Variants in SPAG1 observed in about 807,000 individuals in gnomAD.
SPAG1 encodes sperm-associated antigen 1.
Under a neutral mutation model 100.5 loss-of-function variants are expected in SPAG1, and 69 were observed. The observed-to-expected ratio is 0.69, with a 90% confidence interval of 0.57 to 0.84. The LOEUF (loss-of-function observed/expected upper bound fraction) is 0.84, where lower values mean the gene tolerates loss of function less well. SPAG1 is among the 40% of genes least tolerant of loss of function. The probability of loss-of-function intolerance (pLI) is 0.00; values close to 1 mark genes in which losing one functional copy is unlikely to be tolerated. For synonymous variants in SPAG1, 336 were observed against 411.6 expected, an observed-to-expected ratio of 0.82 and a Z score of 2.22; for missense variants, 955 against 1,133.1, an observed-to-expected ratio of 0.84 and a Z score of 2.26.
intron 9 of SPAG1, among the ~76,000 whole-genome samples, 184 bp from the exon 10 acceptor site, chr8:100,193,928 G>A (rs745437491): frequency 5.9e-5 from 9 of 151,640 alleles, no homozygotes; most frequent in East Asian, 5.8e-4. Context: ...TTGTTACACC[G>A]CTTTTTGTGT....
intron 10 of SPAG1, among the ~76,000 whole-genome samples, chr8:100,210,571 A>G (rs947672362): frequency 1.3e-5 from 2 of 151,378 alleles, no homozygotes; most frequent in Non-Finnish European, 3.0e-5. Context: ...TTTTTCTCTC[A>G]TTTCTAGGCA....
At chr8:100,223,239 C>G (rs1012882505) in intron 13 of SPAG1, among the ~76,000 whole-genome samples, 15 of 152,142 alleles carry the variant, frequency 9.9e-5, no homozygotes, top group Non-Finnish European at 2.2e-4. Context: ...CATTCATGGA[C>G]AAATTTTTGT....
Position 100,181,218 on chromosome 8 carries a change from ATCT to A in SPAG1, c.427-2146_427-2144del, listed in dbSNP as rs570458598. On this transcript the variant is annotated intron_variant, in intron 4 of 18. Transcript: ENST00000388798. ...CACATTCTTTTTTTATTTATTGAAA[ATCT>A]TCTTCTTCTTTATTCAGTCATAATT... 4.2e-3 allele frequency among the ~76,000 whole-genome samples: 644 copies of A among 152,236 alleles called. 6 individuals carry two copies. The highest frequency in any genetic ancestry group is 0.014 in the African/African-American group (569 of 41,544).
intron 9 of SPAG1, among the ~76,000 whole-genome samples, chr8:100,192,939 T>A (rs983896877): frequency 1.3e-5 from 2 of 152,212 alleles, no homozygotes; most frequent in South Asian, 4.1e-4. Flanking sequence ...TGCATTTTTA[T>A]CTTAACCATA....
At chr8:100,190,086 G>A (rs541964926) in intron 8 of SPAG1, among the ~76,000 whole-genome samples, 7 of 152,126 alleles carry the variant, frequency 4.6e-5, no homozygotes, top group South Asian at 4.2e-4. Flanking sequence ...TGGGGCAGGC[G>A]GATCACGAGG....
intron 10 of SPAG1, among the ~76,000 whole-genome samples, chr8:100,203,918 G>C (rs920465956): frequency 8.5e-5 from 13 of 152,178 alleles, no homozygotes; most frequent in Non-Finnish European, 1.5e-5. Context: ...GGTGTCTACC[G>C]TTAAAATAAG....
intron 13 of SPAG1, among the ~76,000 whole-genome samples, 178 bp from the exon 14 acceptor site, chr8:100,224,995 C>T (rs905678430): frequency 2.7e-4 from 41 of 152,044 alleles, no homozygotes; most frequent in Admixed American, 1.1e-3. Flanking sequence ...TCATTTATGA[C>T]AACTTGTAAA....
In SPAG1 at chr8:100,239,474, C is replaced by A; in HGVS notation, c.2280+70C>A. 1.0e-6 allele frequency: 1 copy of A among 963,622 alleles called. No homozygotes were observed. Among genetic ancestry groups the A allele is most frequent in the Non-Finnish European group, 1.6e-6 (1 of 617,402 alleles). The allele number at this position is 963,622 out of a possible 1,614,324, so 59.7% of individuals were successfully genotyped here. ...TAGACTGGATTCTAAGGTCATATTCCTGTGAGTTCTAAAACATTTTTAATT... is the reference window on the plus strand; with the variant it reads ...TAGACTGGATTCTAAGGTCATATTCATGTGAGTTCTAAAACATTTTTAATT... On this transcript the variant is annotated intron_variant, in intron 17 of 18. Coordinates refer to ENST00000388798, the MANE Select transcript of SPAG1 (RefSeq NM_003114.5). This position sits in a 1 kb window ranked among gnomAD's most constrained non-coding sequence, Gnocchi z 5.0.
rs942733845 is a variant in SPAG1 at position 100,213,082 on chromosome 8, C to T, written c.1097-8C>T. ...AAACCCTCACTTCCCGCATCCACTT[C>T]CTCACAGAGCCCGCGGAGCCGGCGG... is the stretch of plus-strand genomic sequence containing the variant. On this transcript the variant is annotated splice_region_variant and splice_polypyrimidine_tract_variant and intron_variant, in intron 10 of 18. Transcript: ENST00000388798. 2.2e-5 allele frequency: 32 copies of T among 1,463,518 alleles called. No homozygotes were observed. Among genetic ancestry groups the T allele is most frequent in the Non-Finnish European group, 2.6e-5 (29 of 1,114,210 alleles). 90.7% of individuals were successfully genotyped at this position (1,463,518 alleles called of 1,614,324 possible).
intron 3 of SPAG1, among the ~76,000 whole-genome samples, chr8:100,176,966 T>G (rs931812354): frequency 2.0e-5 from 3 of 151,184 alleles, no homozygotes; most frequent in African/African-American, 7.3e-5. Context: ...GTTTCTTTCT[T>G]TTTTTTCAAT....
chr8:100,234,367 A>C (rs1818909593), intron 16 of SPAG1, among the ~76,000 whole-genome samples: 1 of 151,810 alleles, frequency 6.6e-6, no homozygotes, highest in African/African-American at 2.4e-5. Context: ...GCTAAAAAAA[A>C]ATAACATTTT....
In SPAG1 at chr8:100,220,398, G is replaced by C. The variant is rs1445616704; in HGVS notation, c.1655G>C (p.Cys552Ser). ...TATAAAACAGTGTTGCAGATAGACT[G>C]TGGACTCCAGCTAGCAAATGACAGT... ...VDYKTVLQID[C>S]GLQLANDSVN... Residue 552 changes from cysteine (C) to serine (S), a missense_variant, in exon 13 of 19, where the codon TGT becomes TCT. Transcript: ENST00000388798. 6.2e-7 allele frequency: 1 copy of C among 1,613,460 alleles called. No homozygotes were observed. Among genetic ancestry groups the C allele is most frequent in the African/African-American group, 1.3e-5 (1 of 75,004 alleles).
chr8:100,191,419 C>T lies in SPAG1; in HGVS notation c.862C>T (p.His288Tyr). 10 of 1,613,872 alleles carry T rather than the reference C, an allele frequency of 6.2e-6. No homozygotes were observed. Among genetic ancestry groups the T allele is most frequent in the Non-Finnish European group, 8.5e-6 (10 of 1,179,838 alleles). ...TCTGCGTCGTGCTACTACATATAAA[C>T]ATCAAAACAAGCTCCGGGAAGCTAC... The part of the protein sequence containing the change: ...ALLRRATTYK[H>Y]QNKLREATED... The change falls in exon 9 of 19, where the codon CAT becomes TAT. Residue 288 changes from histidine to tyrosine, a missense_variant. His to Tyr is a moderately conservative substitution (Grantham distance 83). Transcript: ENST00000388798.
intron 2 of SPAG1, 135 bp from the exon 3 acceptor site, chr8:100,165,679 A>T: frequency 1.6e-6 from 1 of 638,558 alleles, no homozygotes; most frequent in Non-Finnish European, 2.7e-6. Flanking sequence ...TATGCGGGTT[A>T]AGGAAAGAGA....
intron 12 of SPAG1, among the ~76,000 whole-genome samples, chr8:100,216,242 C>G (rs1817982293): frequency 6.6e-6 from 1 of 152,160 alleles, no homozygotes; most frequent in Non-Finnish European, 1.5e-5. Flanking sequence ...CAGCCAACAT[C>G]CTTTCAGCTC....
chr8:100,217,598 T>G (rs1312788244), intron 12 of SPAG1, among the ~76,000 whole-genome samples: 1 of 152,156 alleles, frequency 6.6e-6, no homozygotes, highest in African/African-American at 2.4e-5. Flanking sequence ...AGCCATCATT[T>G]TACAACTTTT....
intron 13 of SPAG1, among the ~76,000 whole-genome samples, chr8:100,221,054 C>A (rs1055347304): frequency 6.6e-6 from 1 of 151,030 alleles, no homozygotes; most frequent in Admixed American, 6.6e-5. Flanking sequence ...GCCTGGACAA[C>A]GGAGCAAGAT....
intron 12 of SPAG1, among the ~76,000 whole-genome samples, chr8:100,219,782 C>T (rs1818176953): frequency 6.6e-6 from 1 of 152,160 alleles, no homozygotes; most frequent in Non-Finnish European, 1.5e-5. Flanking sequence ...AGGTTTAGTT[C>T]CTTGATTCCC....
chr8:100,205,958 G>T (rs1303017804), intron 10 of SPAG1, among the ~76,000 whole-genome samples: 1 of 141,406 alleles, frequency 7.1e-6, no homozygotes, highest in African/African-American at 2.7e-5. Context: ...GGCAGAGGTT[G>T]CAGTGAGCCG....
Sources: allele counts gnomAD v4.1 joint callset (sites outside exome capture counted in the v4.1 genomes callset), GRCh38; gene constraint gnomAD v4.1.1; non-coding constraint Gnocchi (gnomAD v3.1); transcripts MANE v1.5; gene names NCBI Gene and HGNC (gene_info 2026-07-23, HGNC 2026-07-21).